The following XKR3 variants were observed in gnomAD, a reference collection of about 807,000 sequenced individuals.
XKR3 encodes XK related 3.
A neutral mutation model predicts 40.3 loss-of-function variants in XKR3; 27 were observed. The ratio of observed to expected loss-of-function variants is 0.67; its 90% CI spans 0.49 to 0.92. XKR3 has a LOEUF of 0.92. Among genes scored for constraint, XKR3 ranks in the 40% least tolerant of loss-of-function variants. The pLI, the probability that XKR3 is intolerant of heterozygous loss-of-function variation, is 0.00. For missense variants in XKR3, 472 were observed against 537.6 expected, an observed-to-expected ratio of 0.88 and a Z score of 1.21; for synonymous variants, 193 against 195.4, an observed-to-expected ratio of 0.99 and a Z score of 0.10.
intron 2 of XKR3, among the ~76,000 whole-genome samples, chr22:16,807,122 T>G (rs2060192729): frequency 6.6e-6 from 1 of 152,214 alleles, no homozygotes; most frequent in African/African-American, 2.4e-5. Flanking sequence ...ACCTGCCAAA[T>G]TTTATGTTTA....
At position 16,784,150 on chromosome 22, in the gene XKR3, A is replaced by G. The variant is rs954578406; in HGVS notation, c.849T>C (p.Phe283=). ...FVSLLAPWLE[F]WKSGAHLPGN... The stretch of plus-strand genomic sequence containing the variant: ...CAGGAAGATGAGCTCCACTTTTCCA[A>G]AACTCCAGCCACGGTGCCAACAATG... The change falls in exon 4 of 4, where the codon TTT becomes TTC. Residue 283 remains phenylalanine, a synonymous_variant. Transcript: ENST00000684488. 5 of 1,614,102 alleles carry G rather than the reference A, an allele frequency of 3.1e-6. No individual in the cohort carries two copies. The African/African-American group carries it at 5.3e-5, about 17-fold the overall frequency.
intron 3 of XKR3, among the ~76,000 whole-genome samples, chr22:16,796,922 A>C (rs1407855418): frequency 4.6e-5 from 7 of 152,224 alleles, no homozygotes; most frequent in Non-Finnish European, 8.8e-5. Flanking sequence ...TTCAAACTAC[A>C]CTTAAAAGCT....
rs2060075000 is a variant in XKR3, at chr22:16,783,606, A to G, written c.*13T>C. The G allele has an allele frequency of 1.9e-6, 3 of 1,545,558 alleles. No homozygotes were observed. The highest frequency in any genetic ancestry group is 2.6e-6 in the Non-Finnish European group (3 of 1,149,496). ...TCTTTACTCATTGTTCTGTGAAAGT[A>G]TATATGTATATTTTATGAACATGTC... On this transcript the variant is annotated 3_prime_UTR_variant, in exon 4 of 4. Transcript: ENST00000684488.
In XKR3 at chr22:16,784,304, G is replaced by C; in HGVS notation, c.695C>G (p.Pro232Arg). ...CATCACGACACAGAAGAATTCTATC[G>C]GCGGTAGCTTAATGGTAGTATCATC... ...SNDDTTIKLP[P>R]IEFFCVVMWR... The change falls in exon 4 of 4, where the codon CCG becomes CGG. Residue 232 changes from proline to arginine, a missense_variant. Transcript: ENST00000684488. 1 of 1,613,866 alleles carries C rather than the reference G, an allele frequency of 6.2e-7. No individual in the cohort carries two copies. The highest frequency in any genetic ancestry group is 8.5e-7 in the Non-Finnish European group (1 of 1,179,948).
Position 16,783,567 on chromosome 22 carries a change from A to G in XKR3, c.*52T>C. On this transcript the variant is annotated 3_prime_UTR_variant, in exon 4 of 4. Coordinates refer to ENST00000684488, the MANE Select transcript of XKR3 (RefSeq NM_001386955.1). ...TTTTAAATTTAAGAGCCTCTTAACA[A>G]GTCACATTCAGCATCTTTACTCATT... 3 of 1,394,158 alleles carry G rather than the reference A, an allele frequency of 2.2e-6. No individual in the cohort carries two copies. The highest frequency in any genetic ancestry group is 3.0e-5 in the South Asian group (2 of 66,430). 86.4% of individuals were successfully genotyped at this position (1,394,158 alleles called of 1,614,324 possible). A position where few individuals can be genotyped will look rare whatever the true frequency, so the allele number is the denominator to read the frequency against.
intron 3 of XKR3, among the ~76,000 whole-genome samples, chr22:16,792,562 T>C (rs2060124766): frequency 2.6e-5 from 4 of 152,366 alleles, no homozygotes; most frequent in Admixed American, 1.3e-4. Context: ...TTCAATAATT[T>C]TGGACACATG....
At position 16,807,863 on chromosome 22, in the gene XKR3, T is replaced by C. The variant is rs755057777; in HGVS notation, c.211A>G (p.Ile71Val). Residue 71 changes from isoleucine (I) to valine (V), a missense_variant, in exon 2 of 4, where the codon ATC (isoleucine) becomes GTC (valine). Physicochemically the swap from Ile to Val is conservative, Grantham distance 29 (BLOSUM62 3). Coordinates refer to ENST00000684488, the MANE Select transcript of XKR3 (RefSeq NM_001386955.1). Reference protein sequence around the residue: ...ANDTFWMSFTISFIIVGAILD... With the variant: ...ANDTFWMSFTVSFIIVGAILD... ...ATTGCCCCCACAATAATAAAGCTGA[T>C]GGTAAATGACATCCAGAATGTGTCA... 2.5e-6 allele frequency: 4 copies of C among 1,614,012 alleles called. No homozygotes were observed. The highest frequency in any genetic ancestry group is 1.7e-5 in the Admixed American group (1 of 60,022).
chr22:16,783,827 C>T lies in XKR3; in HGVS notation c.1172G>A (p.Gly391Asp). Residue 391 changes from glycine to aspartate, a missense_variant, in exon 4 of 4, where the codon GGC becomes GAC. Gly to Asp is a moderately conservative substitution (Grantham distance 94, BLOSUM62 -1). Coordinates refer to ENST00000684488, the MANE Select transcript of XKR3 (RefSeq NM_001386955.1). Reference protein sequence around the residue: ...QLIISYLLATGFMLLFYQYLY... With the variant: ...QLIISYLLATDFMLLFYQYLY... ...ATACTGATAGAAGAGGAGCATAAAG[C>T]CAGTGGCCAATAGGTAGCTTATGAT... 1 of 1,614,162 alleles carries T rather than the reference C, an allele frequency of 6.2e-7. No homozygotes were observed. The highest frequency in any genetic ancestry group is 8.5e-7 in the Non-Finnish European group (1 of 1,180,036).
At chr22:16,815,711 T>C (rs2060230496) in intron 1 of XKR3, among the ~76,000 whole-genome samples, 1 of 151,950 alleles carries the variant, frequency 6.6e-6, no homozygotes, top group Non-Finnish European at 1.5e-5. Context: ...TGCAAAGTAT[T>C]CCTATTAACA....
intron 3 of XKR3, among the ~76,000 whole-genome samples, chr22:16,794,881 G>C (rs1459453992): frequency 6.6e-6 from 1 of 152,190 alleles, no homozygotes; most frequent in Admixed American, 6.5e-5. Flanking sequence ...AAACAGATGT[G>C]AAACCAGTGA....
In XKR3 at chr22:16,799,900, G is replaced by C. The variant is rs775657898; in HGVS notation, c.460C>G (p.Arg154Gly). 5 of 1,613,850 alleles carry C rather than the reference G, an allele frequency of 3.1e-6. No homozygotes were observed. In the Admixed American group the frequency reaches 5.0e-5, roughly 16 times the overall value. ...MLEREIAFSI[R>G]DNFMQQKAFK... ...GCCTTCTGCTGCATGAAATTATCCC[G>C]GATTGAGAATGCAATCTCCCTTTCC... The change falls in exon 3 of 4, where the codon CGG becomes GGG. Residue 154 changes from arginine (R) to glycine (G), a missense_variant. By Grantham distance (125) the Arg-to-Gly change is moderately radical. Transcript: ENST00000684488.
Position 16,790,555 on chromosome 22 carries a change from C to A in XKR3, c.590-6146G>T, listed in dbSNP as rs1159421981. 2.9e-4 allele frequency among the ~76,000 whole-genome samples: 44 copies of A among 152,040 alleles called. 1 individual carries two copies. On this transcript the variant is annotated intron_variant, in intron 3 of 3. Coordinates refer to ENST00000684488, the MANE Select transcript of XKR3 (RefSeq NM_001386955.1). ...AACACGCACTGTGGCCCATTAGAGG[C>A]TACAGAGTGGGAGGAAGGAGAACAT...
chr22:16,811,887 T>C (rs2060214373), intron 1 of XKR3, among the ~76,000 whole-genome samples: 1 of 151,980 alleles, frequency 6.6e-6, no homozygotes, highest in Admixed American at 6.6e-5. Flanking sequence ...CGGGCACCTG[T>C]AGTTCCAACT....
rs115177229 is a variant in XKR3 at position 16,822,607 on chromosome 22, A to C, written c.-11+2684T>G. ...GACATAAAGACACAATTACTACGGA[A>C]GAGATGGAATAAAGCTGTGCACTAC... On this transcript the variant is annotated intron_variant, in intron 1 of 3. Transcript: ENST00000684488. Among the ~76,000 whole-genome samples the C allele has an allele frequency of 4.9e-3, 751 of 152,280 alleles. 5 individuals are homozygous for C. Among genetic ancestry groups the C allele is most frequent in the African/African-American group, 0.017 (715 of 41,536 alleles).
At chr22:16,807,310 T>C (rs5748656) in intron 2 of XKR3, among the ~76,000 whole-genome samples, 6,593 of 152,272 alleles carry the variant, frequency 0.043, 229 homozygotes, top group South Asian at 0.088. Flanking sequence ...TCTGGAAAAT[T>C]ACCACTAAAA....
intron 2 of XKR3, among the ~76,000 whole-genome samples, chr22:16,804,356 C>A (rs1159672572): frequency 1.3e-5 from 2 of 152,076 alleles, no homozygotes; most frequent in African/African-American, 4.8e-5. Flanking sequence ...CTGACTCTGG[C>A]ATAACAAAAC....
intron 1 of XKR3, among the ~76,000 whole-genome samples, chr22:16,815,121 G>A (rs964420513): frequency 3.3e-5 from 5 of 151,522 alleles, no homozygotes; most frequent in Non-Finnish European, 4.4e-5. Flanking sequence ...TCAGGCTGAG[G>A]TATTTTCTTT....
intron 1 of XKR3, among the ~76,000 whole-genome samples, chr22:16,818,283 C>T (rs986632932): frequency 6.6e-6 from 1 of 152,094 alleles, no homozygotes; most frequent in Admixed American, 6.6e-5. Flanking sequence ...TTCCTCTGAA[C>T]AACTAAAACA....
At chr22:16,807,717 G>A (rs1357176480) in intron 2 of XKR3, 22 bp downstream of exon 2, 12 of 1,533,772 alleles carry the variant, frequency 7.8e-6, no homozygotes, top group African/African-American at 1.4e-5. Context: ...GGCAGTGAAT[G>A]AGAAATATTT....
Sources: allele counts gnomAD v4.1 joint callset (sites outside exome capture counted in the v4.1 genomes callset), GRCh38; gene constraint gnomAD v4.1.1; transcripts MANE v1.5; gene names NCBI Gene and HGNC (gene_info 2026-07-23, HGNC 2026-07-21).